AFF3: variants seen among roughly 807,000 people sequenced by gnomAD.
AFF3 encodes the protein AF4/FMR2 family member 3.
AFF3 carries 32 observed loss-of-function variants against 129.7 expected under a neutral mutation model. That is an observed-to-expected ratio of 0.25 (90% CI 0.19 to 0.33). AFF3 has a LOEUF of 0.33. Among genes scored for constraint, AFF3 ranks in the 10% least tolerant of loss-of-function variants. AFF3 has a pLI of 1.00. For synonymous variants in AFF3, 644 were observed against 635.4 expected, an observed-to-expected ratio of 1.01 and a Z score of -0.20; for missense variants, 1,373 against 1,592.0, an observed-to-expected ratio of 0.86 and a Z score of 2.34.
intron 7 of AFF3, among the ~76,000 whole-genome samples, chr2:99,944,368 T>C (rs373699427): frequency 1.2e-4 from 18 of 152,356 alleles, no homozygotes; most frequent in African/African-American, 4.3e-4. Context: ...GGGTTGAAGT[T>C]GATTATATTC....
intron 19 of AFF3, among the ~76,000 whole-genome samples, chr2:99,567,980 A>G (rs975865602): frequency 3.3e-5 from 5 of 152,036 alleles, no homozygotes; most frequent in African/African-American, 1.2e-4. Context: ...GCCCTCCTCT[A>G]TTTTCTGATA....
At chr2:99,862,321 A>G (rs759719592) in intron 7 of AFF3, among the ~76,000 whole-genome samples, 11 of 152,142 alleles carry the variant, frequency 7.2e-5, no homozygotes, top group Non-Finnish European at 1.5e-4. Flanking sequence ...TCTGCAGCAC[A>G]CTATTTCATC....
intron 7 of AFF3, among the ~76,000 whole-genome samples, chr2:99,984,410 G>C (rs1024883013): frequency 6.6e-5 from 10 of 152,148 alleles, no homozygotes; most frequent in Admixed American, 2.6e-4. Flanking sequence ...ACTTTAGTAT[G>C]CTAGGAAACA....
intron 2 of AFF3, among the ~76,000 whole-genome samples, chr2:100,121,002 G>A (rs919643272): frequency 1.3e-5 from 2 of 152,180 alleles, no homozygotes; most frequent in African/African-American, 4.8e-5. Flanking sequence ...TTCAGGGACT[G>A]TGAATGTCAA....
At chr2:99,821,866 T>C (rs1181296161) in intron 8 of AFF3, among the ~76,000 whole-genome samples, 1 of 152,238 alleles carries the variant, frequency 6.6e-6, no homozygotes, top group South Asian at 2.1e-4. Context: ...AGAGCCTCAG[T>C]CTAACTTCTC....
At chr2:99,805,742 A>G (rs555849747) in intron 8 of AFF3, among the ~76,000 whole-genome samples, 48 of 151,392 alleles carry the variant, frequency 3.2e-4, no homozygotes, top group African/African-American at 1.1e-3. Flanking sequence ...GTATATGTCT[A>G]TTTCTTCTTT....
intron 8 of AFF3, among the ~76,000 whole-genome samples, chr2:99,768,251 A>T (rs1683180798): frequency 6.6e-6 from 1 of 152,210 alleles, no homozygotes; most frequent in Non-Finnish European, 1.5e-5. Context: ...CAAAAAAAAT[A>T]GCAAATGCAG....
intron 15 of AFF3, among the ~76,000 whole-genome samples, chr2:99,589,616 GTCTCGATC>G (rs1678466856): frequency 6.6e-6 from 1 of 151,956 alleles, no homozygotes; most frequent in South Asian, 2.1e-4. Context: ...GGCCAGGATG[GTCTCGATC>G]TCTTGATCTC....
intron 7 of AFF3, among the ~76,000 whole-genome samples, chr2:99,867,486 G>C (rs1691504488): frequency 6.7e-6 from 1 of 148,860 alleles, no homozygotes; most frequent in Non-Finnish European, 1.5e-5. Context: ...AAGTGACCAG[G>C]AATAACTTCC....
chr2:99,706,919 C>T (rs964267244), intron 11 of AFF3, among the ~76,000 whole-genome samples: 1 of 152,192 alleles, frequency 6.6e-6, no homozygotes, highest in African/African-American at 2.4e-5. Flanking sequence ...CCCAACATAT[C>T]ATCTGTTGGA....
At chr2:99,906,727 T>C (rs1694741239) in intron 7 of AFF3, among the ~76,000 whole-genome samples, 1 of 152,078 alleles carries the variant, frequency 6.6e-6, no homozygotes, top group African/African-American at 2.4e-5. Context: ...CACATGTTTC[T>C]TTCTACACTG....
chr2:100,128,799 GT>G (rs1692305543), intron 2 of AFF3, among the ~76,000 whole-genome samples: 1 of 152,224 alleles, frequency 6.6e-6, no homozygotes, highest in East Asian at 1.9e-4. Flanking sequence ...GTTGCCAGAA[GT>G]AGTTAAAGAG....
intron 13 of AFF3, among the ~76,000 whole-genome samples, chr2:99,601,921 C>T (rs1181532221): frequency 3.9e-5 from 6 of 152,200 alleles, no homozygotes; most frequent in African/African-American, 1.2e-4. Context: ...ATGGCTGTTT[C>T]CATTTTGCTG....
chr2:99,774,912 G>A (rs1382635019), intron 8 of AFF3, among the ~76,000 whole-genome samples: 1 of 151,816 alleles, frequency 6.6e-6, no homozygotes, highest in Admixed American at 6.6e-5. Flanking sequence ...AAAATAAACC[G>A]CTCCATGAAA....
chr2:99,793,640 C>G (rs1369682232), intron 8 of AFF3, among the ~76,000 whole-genome samples: 2 of 152,152 alleles, frequency 1.3e-5, no homozygotes, highest in Non-Finnish European at 2.9e-5. Flanking sequence ...TTTCATTGCT[C>G]ATATTAATCA....
chr2:100,016,512 G>A (rs1683093916), intron 4 of AFF3, among the ~76,000 whole-genome samples: 1 of 150,948 alleles, frequency 6.6e-6, no homozygotes, highest in Admixed American at 6.6e-5. Context: ...GGTGGTGATA[G>A]TGGTGGTGGC....
intron 7 of AFF3, among the ~76,000 whole-genome samples, chr2:99,964,583 T>A (rs1677553381): frequency 6.6e-6 from 1 of 152,076 alleles, no homozygotes; most frequent in Non-Finnish European, 1.5e-5. Flanking sequence ...ATACAACACA[T>A]CAAAATATGT....
Position 99,626,103 on chromosome 2 carries a change from C to CT in AFF3, c.1184+23522dup, listed in dbSNP as rs1316691269. ...CATCGGAAGCTGCTGCGTTTGGACACTAGAACATTAGAAGATGTTATTTTA... is the reference window on the plus strand; with the variant it reads ...CATCGGAAGCTGCTGCGTTTGGACACTTAGAACATTAGAAGATGTTATTTTA... On this transcript the variant is annotated intron_variant, in intron 13 of 24. Coordinates refer to ENST00000672756, the MANE Select transcript of AFF3 (RefSeq NM_001386135.1). Among the ~76,000 whole-genome samples, 6 of 152,242 alleles carry CT rather than the reference C, an allele frequency of 3.9e-5. No homozygotes were observed. The East Asian group carries it at 1.2e-3, about 29-fold the overall frequency.
At chr2:99,692,305 GGTGGCCCCT>G (rs1315297691) in intron 11 of AFF3, among the ~76,000 whole-genome samples, 4 of 152,242 alleles carry the variant, frequency 2.6e-5, no homozygotes, top group African/African-American at 9.6e-5. Context: ...CCATGGACAT[GGTGGCCCCT>G]GTGGACAGGG....
Sources: gnomAD v4.1 joint callset for allele counts (sites outside exome capture counted in the v4.1 genomes callset) on GRCh38, gnomAD v4.1.1 for gene constraint, MANE v1.5 for transcripts, NCBI Gene and HGNC (gene_info 2026-07-23, HGNC 2026-07-21) for gene names.